Variants in PHTF2 observed in about 807,000 individuals in gnomAD.
PHTF2 encodes protein PHTF2.
In PHTF2, 60 loss-of-function variants were observed where a neutral mutation model predicts 101.2. The ratio of observed to expected loss-of-function variants is 0.59; its 90% CI spans 0.48 to 0.73. The LOEUF is 0.73. Ranked by LOEUF, PHTF2 falls within the 30% of genes least tolerant of loss-of-function variation. The probability of loss-of-function intolerance (pLI) is 0.00; values close to 1 mark genes in which losing one functional copy is unlikely to be tolerated. For synonymous variants in PHTF2, 311 were observed against 307.3 expected (o/e 1.01, Z -0.13); for missense variants, 747 against 908.7 (o/e 0.82, Z 2.29).
chr7:77,864,176 T>G (rs1036862951), intron 3 of PHTF2, among the ~76,000 whole-genome samples: 7 of 152,218 alleles, frequency 4.6e-5, no homozygotes, highest in African/African-American at 1.7e-4. Context: ...ACAGTAGAAT[T>G]ACCTTGAAAG....
At chr7:77,901,828 G>A in exon 7 of PHTF2, 1 of 1,591,006 alleles carries the variant, frequency 6.3e-7, no homozygotes. Context: ...GGAATTGTTC[G>A]AGTTGTATTT....
At chr7:77,922,957 T>C in intron 11 of PHTF2, 179 bp downstream of exon 10, 1 of 1,313,070 alleles carries the variant, frequency 7.6e-7, no homozygotes, top group Non-Finnish European at 9.7e-7. Context: ...ATTGCACATG[T>C]ATTGATAGAT....
At chr7:77,928,944 C>T (rs1157443486) in intron 11 of PHTF2, among the ~76,000 whole-genome samples, 165 bp from the exon 11 acceptor site, 1 of 152,166 alleles carries the variant, frequency 6.6e-6, no homozygotes, top group Non-Finnish European at 1.5e-5. Flanking sequence ...TATTTTGTTA[C>T]TGAATAAAAG....
chr7:77,830,531 A>T (rs1412867211), intron 1 of PHTF2, among the ~76,000 whole-genome samples: 1 of 152,128 alleles, frequency 6.6e-6, no homozygotes, highest in Non-Finnish European at 1.5e-5. Flanking sequence ...AGATTCTCAT[A>T]AGAGTGCGAA....
At chr7:77,829,477 T>C (rs1180534895) in intron 1 of PHTF2, among the ~76,000 whole-genome samples, 2 of 152,230 alleles carry the variant, frequency 1.3e-5, no homozygotes, top group African/African-American at 4.8e-5. Flanking sequence ...GTGTTTATTC[T>C]TTCAAATATT....
At chr7:77,920,336 A>G (rs1453718352) in exon 10 of PHTF2, 1 of 1,608,460 alleles carries the variant, frequency 6.2e-7, no homozygotes, top group African/African-American at 1.3e-5. Context: ...ATGGCTATGT[A>G]TCCCTTGATG....
intron 7 of PHTF2, among the ~76,000 whole-genome samples, chr7:77,903,553 A>G (rs1165016194): frequency 2.6e-5 from 4 of 152,206 alleles, no homozygotes; most frequent in Non-Finnish European, 5.9e-5. Flanking sequence ...AAATTTACTT[A>G]CTGGTTCCTC....
chr7:77,837,907 G>A (rs1795589534), intron 1 of PHTF2, among the ~76,000 whole-genome samples: 2 of 152,082 alleles, frequency 1.3e-5, no homozygotes, highest in African/African-American at 4.8e-5. Context: ...TGTATGAAAT[G>A]TATATTATTT....
In PHTF2 at chr7:77,823,785, CTG is replaced by C. The variant is rs138113030; in HGVS notation, c.-35-16431_-35-16430del. ...GGTTGGGGAGGGCGGGTAATTGAAA[CTG>C]TGTGAAACAAAGTAGAGACGATAGA... On this transcript the variant is annotated intron_variant, in intron 1 of 19. Transcript: ENST00000416283. 3.3e-5 allele frequency among the ~76,000 whole-genome samples: 5 copies of C among 152,272 alleles called. No homozygotes were observed. In the East Asian group the frequency reaches 5.8e-4, roughly 18 times the overall value.
At chr7:77,946,134 C>A (rs1489814716) in intron 16 of PHTF2, among the ~76,000 whole-genome samples, 1 of 152,124 alleles carries the variant, frequency 6.6e-6, no homozygotes, top group African/African-American at 2.4e-5. Flanking sequence ...TAGTTTGTGC[C>A]TGGAATGCAG....
At chr7:77,924,982 T>C (rs1215160725) in intron 11 of PHTF2, among the ~76,000 whole-genome samples, 1 of 152,188 alleles carries the variant, frequency 6.6e-6, no homozygotes, top group African/African-American at 2.4e-5. Context: ...GGAGGCGTCC[T>C]AGGGAACTGA....
chr7:77,842,818 G>T (rs1795993197), intron 2 of PHTF2, among the ~76,000 whole-genome samples: 1 of 152,134 alleles, frequency 6.6e-6, no homozygotes, highest in Non-Finnish European at 1.5e-5. Context: ...AATAATTTAG[G>T]TTTTGAGTCA....
Position 77,882,596 on chromosome 7 carries a change from C to A in PHTF2, c.148-11012C>A, listed in dbSNP as rs573183141. On this transcript the variant is annotated intron_variant, in intron 3 of 19. Transcript: ENST00000416283. The stretch of plus-strand genomic sequence containing the variant: ...AGGATATCTTAAATTTGAATACTTA[C>A]CCATTTAAGGTCTTCCCGAAATAAC... Among the ~76,000 whole-genome samples, 47 of 152,206 alleles carry A rather than the reference C, an allele frequency of 3.1e-4. No individual in the cohort carries two copies. In the South Asian group the frequency reaches 8.3e-3, roughly 27 times the overall value.
chr7:77,811,252 T>C (rs1361236421), intron 1 of PHTF2, among the ~76,000 whole-genome samples: 1 of 152,230 alleles, frequency 6.6e-6, no homozygotes, highest in African/African-American at 2.4e-5. Flanking sequence ...GTTGTGTACT[T>C]TCCAGTGCAT....
intron 18 of PHTF2, among the ~76,000 whole-genome samples, chr7:77,952,149 TAAC>T (rs201862449): frequency 0.011 from 1,687 of 152,242 alleles, 11 homozygotes; most frequent in Non-Finnish European, 0.019. Context: ...TAATTTTTGA[TAAC>T]AAAAAGGAAT....
intron 3 of PHTF2, among the ~76,000 whole-genome samples, chr7:77,881,711 A>G (rs984698503): frequency 6.6e-6 from 1 of 152,066 alleles, no homozygotes; most frequent in Non-Finnish European, 1.5e-5. Context: ...CCAGGATGTC[A>G]TGGTTAATAG....
At chr7:77,824,963 A>G (rs1794596626) in intron 1 of PHTF2, among the ~76,000 whole-genome samples, 1 of 151,944 alleles carries the variant, frequency 6.6e-6, no homozygotes, top group East Asian at 1.9e-4. Context: ...TTGAGACCCC[A>G]GGAGTTTGAG....
At chr7:77,886,769 C>T (rs532576878) in intron 3 of PHTF2, among the ~76,000 whole-genome samples, 9 of 152,194 alleles carry the variant, frequency 5.9e-5, no homozygotes, top group African/African-American at 1.7e-4. Context: ...AGTGGCTGGG[C>T]GCAGTGGCTC....
At chr7:77,866,597 T>C (rs1220457717) in intron 3 of PHTF2, among the ~76,000 whole-genome samples, 1 of 152,068 alleles carries the variant, frequency 6.6e-6, no homozygotes, top group African/African-American at 2.4e-5. Flanking sequence ...AAAGCCTCAA[T>C]TGTCTCGTCA....
Sources: gnomAD v4.1 joint callset for allele counts (sites outside exome capture counted in the v4.1 genomes callset) on GRCh38, gnomAD v4.1.1 for gene constraint, MANE v1.5 for transcripts, NCBI Gene and HGNC (gene_info 2026-07-23, HGNC 2026-07-21) for gene names.